CAMTA1: variants seen among roughly 807,000 people sequenced by gnomAD.
CAMTA1 encodes calmodulin-binding transcription activator 1.
A neutral mutation model predicts 170.9 loss-of-function variants in CAMTA1; 27 were observed. That is an observed-to-expected ratio of 0.16 (90% CI 0.12 to 0.22). CAMTA1 has a LOEUF of 0.22. CAMTA1 is among the 10% of genes least tolerant of loss of function. The pLI, the probability that CAMTA1 is intolerant of heterozygous loss-of-function variation, is 1.00. For synonymous variants in CAMTA1, 833 were observed against 891.5 expected, an observed-to-expected ratio of 0.93 and a Z score of 1.17; for missense variants, 1,619 against 2,217.2, an observed-to-expected ratio of 0.73 and a Z score of 5.42.
intron 3 of CAMTA1, among the ~76,000 whole-genome samples, chr1:7,078,356 A>G (rs1639581823): frequency 6.6e-6 from 1 of 152,208 alleles, no homozygotes; most frequent in Non-Finnish European, 1.5e-5. Flanking sequence ...CTGCATCTTC[A>G]TCTGGGGGTA....
chr1:7,341,584 G>A (rs1430063027), intron 5 of CAMTA1, among the ~76,000 whole-genome samples: 14 of 152,342 alleles, frequency 9.2e-5, no homozygotes, highest in South Asian at 4.1e-4. Context: ...AAATGACGAC[G>A]AAAGCAGCCC....
rs1353935232 is a variant in CAMTA1 at position 7,443,718 on chromosome 1, A to G, written c.439-24112A>G. ...AGCTGATGCCAGAGGTGGGTTTTGT[A>G]GATGTGGAGGTTTGGTAAGAAGGGA... is the stretch of plus-strand genomic sequence containing the variant. On this transcript the variant is annotated intron_variant, in intron 5 of 22. Coordinates refer to ENST00000303635, the MANE Select transcript of CAMTA1 (RefSeq NM_015215.4). This position sits in a 1 kb window ranked among gnomAD's most constrained non-coding sequence, Gnocchi z 4.1. Among the ~76,000 whole-genome samples, 1 of 152,106 alleles carries G rather than the reference A, an allele frequency of 6.6e-6. No individual in the cohort carries two copies. Among genetic ancestry groups the G allele is most frequent in the Non-Finnish European group, 1.5e-5 (1 of 68,020 alleles).
chr1:7,187,951 A>C (rs1185094118), intron 4 of CAMTA1, among the ~76,000 whole-genome samples: 1 of 152,246 alleles, frequency 6.6e-6, no homozygotes, highest in Non-Finnish European at 1.5e-5. Flanking sequence ...GGTAATTTAC[A>C]AAGGAAAGAA....
chr1:7,757,626 C>T (rs1323005423), intron 22 of CAMTA1, among the ~76,000 whole-genome samples: 4 of 151,988 alleles, frequency 2.6e-5, no homozygotes, highest in Non-Finnish European at 5.9e-5. Context: ...AATTAGCTGG[C>T]CATGGTGGCG....
chr1:7,533,806 G>A (rs954644922), intron 6 of CAMTA1, among the ~76,000 whole-genome samples: 5 of 151,980 alleles, frequency 3.3e-5, no homozygotes, highest in Non-Finnish European at 7.4e-5. Flanking sequence ...CCAGCTACTC[G>A]GGAGGCTGAG....
intron 3 of CAMTA1, among the ~76,000 whole-genome samples, chr1:6,891,632 A>C (rs940745632): frequency 6.6e-6 from 1 of 152,234 alleles, no homozygotes; most frequent in African/African-American, 2.4e-5. Context: ...TCAAGCAATT[A>C]CAATTTAAGT....
intron 3 of CAMTA1, among the ~76,000 whole-genome samples, chr1:6,915,271 C>T (rs1026360693): frequency 6.6e-6 from 1 of 152,134 alleles, no homozygotes; most frequent in Admixed American, 6.5e-5. Context: ...TTTTTTTACT[C>T]CTTTCACTCC....
At chr1:7,416,936 T>G (rs2091217732) in intron 5 of CAMTA1, among the ~76,000 whole-genome samples, 1 of 152,226 alleles carries the variant, frequency 6.6e-6, no homozygotes, top group South Asian at 2.1e-4. Context: ...GATGGGTTTT[T>G]GGTGTGGATG....
intron 11 of CAMTA1, among the ~76,000 whole-genome samples, chr1:7,717,167 A>G (rs1577146377): frequency 6.6e-6 from 1 of 152,246 alleles, no homozygotes; most frequent in Non-Finnish European, 1.5e-5. Context: ...ATTTACAGTT[A>G]GACAGGAGGA....
chr1:7,451,126 C>T (rs1180961335), intron 5 of CAMTA1, among the ~76,000 whole-genome samples: 1 of 152,200 alleles, frequency 6.6e-6, no homozygotes, highest in Admixed American at 6.5e-5. Context: ...GAGCAAACCT[C>T]CTGCCTGGTC....
intron 3 of CAMTA1, among the ~76,000 whole-genome samples, chr1:7,071,629 G>A (rs1014601491): frequency 2.0e-5 from 3 of 152,226 alleles, no homozygotes; most frequent in Non-Finnish European, 2.9e-5. Context: ...ACCGATTTAC[G>A]CACTTTTTAA....
At chr1:7,013,282 G>A (rs1218909905) in intron 3 of CAMTA1, among the ~76,000 whole-genome samples, 1 of 142,620 alleles carries the variant, frequency 7.0e-6, no homozygotes, top group Non-Finnish European at 1.5e-5. Context: ...CAGTGGCACG[G>A]TGTTATCTCA....
intron 5 of CAMTA1, among the ~76,000 whole-genome samples, chr1:7,266,531 T>A (rs1375158828): frequency 2.0e-5 from 3 of 152,246 alleles, no homozygotes; most frequent in African/African-American, 7.2e-5. Flanking sequence ...GATACAGTAA[T>A]GCACAAAACA....
At chr1:7,056,387 G>C (rs371705741) in intron 3 of CAMTA1, among the ~76,000 whole-genome samples, 2 of 152,098 alleles carry the variant, frequency 1.3e-5, no homozygotes, top group East Asian at 3.9e-4. Context: ...CAGGTGGGAA[G>C]GGGGCTCATG....
At chr1:7,226,985 A>G (rs919642201) in intron 4 of CAMTA1, among the ~76,000 whole-genome samples, 4 of 151,822 alleles carry the variant, frequency 2.6e-5, no homozygotes, top group African/African-American at 7.3e-5. Context: ...GGCACCCACC[A>G]CCACGCCTGG....
At chr1:7,465,947 A>G (rs1250390197) in intron 5 of CAMTA1, among the ~76,000 whole-genome samples, 1 of 152,202 alleles carries the variant, frequency 6.6e-6, no homozygotes, top group African/African-American at 2.4e-5. Flanking sequence ...TCTAGAGAGG[A>G]ATAGAGTGGG....
chr1:7,201,189 C>T (rs1656622551), intron 4 of CAMTA1, among the ~76,000 whole-genome samples: 1 of 152,132 alleles, frequency 6.6e-6, no homozygotes, highest in South Asian at 2.1e-4. Context: ...CATTTAGCAT[C>T]ATGTTTTTAA....
In CAMTA1 at chr1:6,936,220, G is replaced by A. The variant is rs1016785557; in HGVS notation, c.234+111010G>A. 5.3e-5 allele frequency among the ~76,000 whole-genome samples: 8 copies of A among 152,174 alleles called. No homozygotes were observed. The East Asian group carries it at 7.7e-4, about 15-fold the overall frequency. On this transcript the variant is annotated intron_variant, in intron 3 of 22. Transcript: ENST00000303635. ...TTCCTGCCTATGATGTGTTGTTTTC[G>A]ACAAAAGTAGCCCAGATAATAGGCA...
chr1:6,815,625 T>A (rs1413715753), intron 1 of CAMTA1, among the ~76,000 whole-genome samples: 1 of 152,214 alleles, frequency 6.6e-6, no homozygotes, highest in Non-Finnish European at 1.5e-5. Context: ...CAGATGAAAG[T>A]ACTTTTTAAA....
Sources: allele counts gnomAD v4.1 joint callset (sites outside exome capture counted in the v4.1 genomes callset), GRCh38; gene constraint gnomAD v4.1.1; non-coding constraint Gnocchi (gnomAD v3.1); transcripts MANE v1.5; gene names NCBI Gene and HGNC (gene_info 2026-07-23, HGNC 2026-07-21).